HK2: variants seen among roughly 807,000 people sequenced by gnomAD.
HK2 encodes the protein hexokinase 2.
In HK2, 42 loss-of-function variants were observed where a neutral mutation model predicts 92.9. That is an observed-to-expected ratio of 0.45 (90% confidence interval 0.35 to 0.58). HK2 has a LOEUF of 0.58. Ranked by LOEUF, HK2 falls within the 20% of genes least tolerant of loss-of-function variation. HK2 has a pLI of 0.00. For synonymous variants in HK2, 422 were observed against 468.0 expected (o/e 0.90, Z 1.27); for missense variants, 978 against 1,245.1 (o/e 0.79, Z 3.23).
chr2:74,845,848 C>T (rs1234999338), intron 1 of HK2, among the ~76,000 whole-genome samples: 1 of 152,256 alleles, frequency 6.6e-6, no homozygotes, highest in Non-Finnish European at 1.5e-5. Context: ...TTATCAGAAA[C>T]ATCTGGCCCT....
chr2:74,840,393 G>A (rs1017139447), intron 1 of HK2, among the ~76,000 whole-genome samples: 1 of 151,988 alleles, frequency 6.6e-6, no homozygotes, highest in Non-Finnish European at 1.5e-5. Flanking sequence ...TGGGAGTAAG[G>A]AGATCTGATG....
intron 1 of HK2, among the ~76,000 whole-genome samples, chr2:74,848,712 C>T (rs1185632857): frequency 6.6e-6 from 1 of 152,158 alleles, no homozygotes; most frequent in African/African-American, 2.4e-5. Context: ...TAAAAACTGT[C>T]AAAATTGGAA....
rs1278313162 is a variant in HK2, at chr2:74,838,537, A to ATT, written c.63+3912_63+3913dup. ...TATGGAGAGATGGAAGATTCTTTCT[A>ATT]TTTTTTTTTTTTTTTTTTTGAGACG... is the stretch of plus-strand genomic sequence containing the variant. On this transcript the variant is annotated intron_variant, in intron 1 of 17. Transcript: ENST00000290573. Among the ~76,000 whole-genome samples the ATT allele has an allele frequency of 1.7e-3, 214 of 126,638 alleles. 2 individuals carry two copies. In the East Asian group the frequency reaches 0.02, roughly 12 times the overall value. 83.1% of individuals were successfully genotyped at this position (126,638 alleles called of 152,430 possible).
chr2:74,834,541 G>T lies in HK2; in HGVS notation c.-40G>T, dbSNP rs765339418. The T allele has an allele frequency of 1.2e-6, 2 of 1,609,654 alleles. No homozygotes were observed. ...CGCCCGCCTCCCCTCTCGCGTCTCC[G>T]CCTCGGTTTCCCAACTCTGCGCCGT... On this transcript the variant is annotated 5_prime_UTR_variant, in exon 1 of 18. Coordinates refer to ENST00000290573, the MANE Select transcript of HK2 (RefSeq NM_000189.5). The surrounding 1 kb of genome is among the most constrained non-coding windows in gnomAD (Gnocchi z 4.2).
At chr2:74,876,127 C>A (rs986712300) in intron 7 of HK2, among the ~76,000 whole-genome samples, 13 of 152,220 alleles carry the variant, frequency 8.5e-5, no homozygotes, top group African/African-American at 2.9e-4. Flanking sequence ...GGTGCACTAA[C>A]ATTTAAAATG....
chr2:74,886,744 C>A, intron 15 of HK2, 71 bp downstream of exon 15: 2 of 1,481,876 alleles, frequency 1.3e-6, no homozygotes, highest in Non-Finnish European at 1.9e-6. Context: ...AGAGCTTCCA[C>A]AATGGCATCT....
At chr2:74,877,353 G>A in intron 8 of HK2, 32 bp downstream of exon 8, 1 of 1,613,340 alleles carries the variant, frequency 6.2e-7, no homozygotes, top group Non-Finnish European at 8.5e-7. Flanking sequence ...TCTATTTGCT[G>A]GATCACCACA....
intron 1 of HK2, among the ~76,000 whole-genome samples, chr2:74,841,214 C>G (rs763827062): frequency 9.2e-5 from 14 of 151,598 alleles, no homozygotes; most frequent in Non-Finnish European, 1.8e-4. Flanking sequence ...TTTTATACCC[C>G]AGTGGACTTT....
chr2:74,852,551 G>T (rs751590889), intron 1 of HK2, among the ~76,000 whole-genome samples: 1 of 152,220 alleles, frequency 6.6e-6, no homozygotes, highest in African/African-American at 2.4e-5. Context: ...AGGAACCAGA[G>T]ATCAGAGACC....
chr2:74,887,971 A>C lies in HK2; in HGVS notation c.2288A>C (p.Lys763Thr). The change falls in exon 16 of 18, where the codon AAG (lysine) becomes ACG (threonine). Residue 763 changes from lysine (K) to threonine (T), a missense_variant. By Grantham distance (78) the Lys-to-Thr change is moderately conservative. This residue lies in a region of HK2 where 742 missense variants were observed against 922.5 expected (regional missense o/e 0.80). Transcript: ENST00000290573. The stretch of plus-strand genomic sequence containing the variant: ...CGTAACATTCTCATCGATTTCACCA[A>C]GCGTGGACTACTCTTCCGAGGCCGC... ...IVRNILIDFT[K>T]RGLLFRGRIS... 1 of 1,614,092 alleles carries C rather than the reference A, an allele frequency of 6.2e-7. No homozygotes were observed. The highest frequency in any genetic ancestry group is 8.5e-7 in the Non-Finnish European group (1 of 1,179,968).
intron 17 of HK2, among the ~76,000 whole-genome samples, 159 bp from the exon 18 acceptor site, chr2:74,890,638 A>G (rs762141072): frequency 1.3e-5 from 2 of 152,238 alleles, no homozygotes; most frequent in African/African-American, 2.4e-5. Flanking sequence ...ACTTAATAAT[A>G]TATAGTAAAT....
chr2:74,888,382 A>G (rs948633838), intron 16 of HK2, among the ~76,000 whole-genome samples: 2 of 152,254 alleles, frequency 1.3e-5, no homozygotes, highest in African/African-American at 2.4e-5. Context: ...AAGATAACCT[A>G]TTAAAGCATC....
At position 74,889,973 on chromosome 2, in the gene HK2, G is replaced by A. The variant is rs980751851; in HGVS notation, c.2609+495G>A. The stretch of plus-strand genomic sequence containing the variant: ...AGTATGTTGTTTTTTCTATCGTTGA[G>A]GTGATATTTAGGTTACTTCTAGATT... On this transcript the variant is annotated intron_variant, in intron 17 of 17. Coordinates refer to ENST00000290573, the MANE Select transcript of HK2 (RefSeq NM_000189.5). Among the ~76,000 whole-genome samples the A allele has an allele frequency of 2.6e-5, 4 of 152,290 alleles. No individual in the cohort carries two copies. In the South Asian group the frequency reaches 8.3e-4, roughly 32 times the overall value.
chr2:74,886,852 A>C (rs1181005462), intron 15 of HK2, among the ~76,000 whole-genome samples, 179 bp downstream of exon 15: 2 of 152,226 alleles, frequency 1.3e-5, no homozygotes, highest in East Asian at 3.8e-4. Flanking sequence ...TAGTAAATGT[A>C]AGAAGCATCT....
intron 2 of HK2, among the ~76,000 whole-genome samples, chr2:74,861,335 G>A (rs150310786): frequency 0.023 from 3,559 of 151,876 alleles, 64 homozygotes; most frequent in Middle Eastern, 0.048. Context: ...CACGAGAATC[G>A]CTTGAATCTG....
At chr2:74,859,121 A>G (rs1028008112) in intron 2 of HK2, among the ~76,000 whole-genome samples, 2 of 152,242 alleles carry the variant, frequency 1.3e-5, no homozygotes, top group Admixed American at 1.3e-4. Context: ...AGAATTCTAT[A>G]GTGGTCATCT....
chr2:74,858,992 G>C (rs1218380624), intron 2 of HK2, among the ~76,000 whole-genome samples: 1 of 152,234 alleles, frequency 6.6e-6, no homozygotes, highest in Admixed American at 6.5e-5. Flanking sequence ...AAGTGCAATA[G>C]ACATAAACGG....
Position 74,834,130 on chromosome 2 carries a change from T to C in HK2, c.-451T>C, listed in dbSNP as rs1688084443. 3.0e-5 allele frequency: 10 copies of C among 327,910 alleles called. No individual in the cohort carries two copies. Among genetic ancestry groups the C allele is most frequent in the South Asian group, 1.9e-4 (8 of 41,260 alleles). 20.3% of individuals were successfully genotyped at this position (327,910 alleles called of 1,614,324 possible). On this transcript the variant is annotated 5_prime_UTR_variant, in exon 1 of 18. Transcript: ENST00000290573. This position sits in a 1 kb window ranked among gnomAD's most constrained non-coding sequence, Gnocchi z 4.2. ...GCCGGCAGCCCCTCAATAAGCCACATTGTTGCATGAAACTCCGGCGCAGGA... is the reference window on the plus strand; with the variant it reads ...GCCGGCAGCCCCTCAATAAGCCACACTGTTGCATGAAACTCCGGCGCAGGA...
intron 1 of HK2, among the ~76,000 whole-genome samples, chr2:74,846,473 C>A (rs891857917): frequency 1.3e-5 from 2 of 152,340 alleles, no homozygotes; most frequent in Non-Finnish European, 2.9e-5. Context: ...ACTGTCCTGA[C>A]TAACAGCATA....
Sources: gnomAD v4.1 joint callset for allele counts (sites outside exome capture counted in the v4.1 genomes callset) on GRCh38, gnomAD v4.1.1 for gene constraint, gnomAD v4.1.1 regional missense constraint, Gnocchi (gnomAD v3.1) non-coding constraint, MANE v1.5 for transcripts, NCBI Gene and HGNC (gene_info 2026-07-23, HGNC 2026-07-21) for gene names.